The following ZBTB20 variants were observed in gnomAD, a reference collection of about 807,000 sequenced individuals.
ZBTB20 encodes the protein zinc finger and BTB domain containing 20, also known as zinc finger and BTB domain-containing protein 20.
ZBTB20 carries 9 observed loss-of-function variants against 56.9 expected under a neutral mutation model. The ratio of observed to expected loss-of-function variants is 0.16; its 90% CI spans 0.10 to 0.28. The LOEUF is 0.28. Ranked by LOEUF, ZBTB20 falls within the 10% of genes least tolerant of loss-of-function variation. The probability of loss-of-function intolerance (pLI) is 1.00; values close to 1 mark genes in which losing one functional copy is unlikely to be tolerated. For synonymous variants in ZBTB20, 417 were observed against 420.7 expected (o/e 0.99, Z 0.11); for missense variants, 655 against 1,003.0 (o/e 0.65, Z 4.69).
At chr3:114,434,558 T>TTTGTGTGTGTGTGTGTG (rs2090374381) in intron 7 of ZBTB20, among the ~76,000 whole-genome samples, 3 of 146,050 alleles carry the variant, frequency 2.1e-5, no homozygotes, top group South Asian at 2.2e-4. Flanking sequence ...GTGTGTGTGT[T>TTTGTGTGTGTGTGTGTG]TGTGTGTGTG....
Position 114,798,053 on chromosome 3 carries a change from T to C in ZBTB20, c.-343+3048A>G, listed in dbSNP as rs187623702. 5.6e-3 allele frequency among the ~76,000 whole-genome samples: 850 copies of C among 152,044 alleles called. 10 individuals carry two copies. The highest frequency in any genetic ancestry group is 0.03 in the South Asian group (147 of 4,824). On this transcript the variant is annotated intron_variant, in intron 5 of 11. Coordinates refer to ENST00000675478, the MANE Select transcript of ZBTB20 (RefSeq NM_001348800.3). ...ATATTAAAGCTTATTTCTTTTTTTTTCTGACTCTGGAAAACTTTTCTCTGA... is the reference window on the plus strand; with the variant it reads ...ATATTAAAGCTTATTTCTTTTTTTTCCTGACTCTGGAAAACTTTTCTCTGA...
chr3:114,665,525 C>CA (rs1435828173), intron 6 of ZBTB20, among the ~76,000 whole-genome samples: 1 of 151,842 alleles, frequency 6.6e-6, no homozygotes, highest in East Asian at 1.9e-4. Context: ...CTCTTTCAGG[C>CA]AAAAAGGCCT....
Position 114,612,797 on chromosome 3 carries a change from G to A in ZBTB20, c.-295+80731C>T, listed in dbSNP as rs147247823. The stretch of plus-strand genomic sequence containing the variant: ...GTATAAGATCTCTGATATTCATCAA[G>A]CAGCTAAGATAAGAAGCATAATGAA... On this transcript the variant is annotated intron_variant, in intron 6 of 11. Transcript: ENST00000675478. Among the ~76,000 whole-genome samples the A allele has an allele frequency of 3.2e-3, 484 of 152,156 alleles. 2 individuals carry two copies. The highest frequency in any genetic ancestry group is 0.017 in the Middle Eastern group (5 of 294).
Position 114,578,683 on chromosome 3 carries a change from C to T in ZBTB20, c.-294-78292G>A, listed in dbSNP as rs559393877. Among the ~76,000 whole-genome samples the T allele has an allele frequency of 5.3e-5, 8 of 151,628 alleles. No homozygotes were observed. In the East Asian group the frequency reaches 1.4e-3, roughly 26 times the overall value. ...AATTGAGTAATGTCTTTAAAATACTCAACAAAAAATACCCAGATAAATTGC... is the reference window on the plus strand; with the variant it reads ...AATTGAGTAATGTCTTTAAAATACTTAACAAAAAATACCCAGATAAATTGC... On this transcript the variant is annotated intron_variant, in intron 6 of 11. Coordinates refer to ENST00000675478, the MANE Select transcript of ZBTB20 (RefSeq NM_001348800.3).
intron 5 of ZBTB20, among the ~76,000 whole-genome samples, chr3:114,733,225 G>T (rs2065886128): frequency 6.6e-6 from 1 of 152,100 alleles, no homozygotes; most frequent in African/African-American, 2.4e-5. Context: ...TACTATATTT[G>T]CTCTCATTTC....
chr3:114,535,868 A>G (rs980008402), intron 6 of ZBTB20, among the ~76,000 whole-genome samples: 1 of 152,262 alleles, frequency 6.6e-6, no homozygotes, highest in African/African-American at 2.4e-5. Flanking sequence ...AATCCATTAT[A>G]TAAGCAGTTT....
At chr3:114,577,779 G>C (rs1177079308) in intron 6 of ZBTB20, among the ~76,000 whole-genome samples, 1 of 152,148 alleles carries the variant, frequency 6.6e-6, no homozygotes, top group African/African-American at 2.4e-5. Flanking sequence ...TAAAGATACA[G>C]CATTATGATA....
chr3:114,385,738 A>G (rs772696438), intron 8 of ZBTB20, among the ~76,000 whole-genome samples: 3 of 152,118 alleles, frequency 2.0e-5, no homozygotes, highest in African/African-American at 2.4e-5. Flanking sequence ...ATGGTGGTGC[A>G]TGCCTGTAGT....
chr3:114,912,755 T>C (rs968253029), intron 3 of ZBTB20, among the ~76,000 whole-genome samples: 3 of 151,950 alleles, frequency 2.0e-5, no homozygotes, highest in African/African-American at 7.2e-5. Context: ...CCCCGGCTCC[T>C]ACTCCCCAGT....
chr3:114,984,087 C>T (rs1228586979), intron 2 of ZBTB20, among the ~76,000 whole-genome samples: 2 of 151,890 alleles, frequency 1.3e-5, no homozygotes, highest in African/African-American at 4.8e-5. Context: ...TTAATTTGAA[C>T]ATGTCATCCT....
intron 2 of ZBTB20, among the ~76,000 whole-genome samples, chr3:114,989,315 C>T (rs1339784199): frequency 6.6e-6 from 1 of 152,188 alleles, no homozygotes; most frequent in Non-Finnish European, 1.5e-5. Context: ...CAGCTTTCTA[C>T]AGATGGCTAG....
chr3:115,015,739 T>A (rs2079925363), intron 2 of ZBTB20, among the ~76,000 whole-genome samples: 1 of 151,954 alleles, frequency 6.6e-6, no homozygotes, highest in Non-Finnish European at 1.5e-5. Flanking sequence ...TTTGGGTTGA[T>A]TCCATGTCTC....
intron 2 of ZBTB20, among the ~76,000 whole-genome samples, chr3:115,024,486 C>T (rs1273838835): frequency 6.6e-6 from 1 of 151,054 alleles, no homozygotes; most frequent in African/African-American, 2.4e-5. Context: ...TTTTATCCTC[C>T]TCATTAAAAC....
intron 6 of ZBTB20, among the ~76,000 whole-genome samples, chr3:114,657,893 C>T (rs1278904085): frequency 1.3e-5 from 2 of 152,020 alleles, no homozygotes; most frequent in Non-Finnish European, 2.9e-5. Context: ...TGTCCTGAAA[C>T]AGTACAAGTT....
intron 1 of ZBTB20, among the ~76,000 whole-genome samples, chr3:115,147,014 G>A (rs1462766919): frequency 2.0e-5 from 3 of 149,096 alleles, no homozygotes; most frequent in Admixed American, 6.7e-5. Flanking sequence ...GGGGCGGGGC[G>A]CGGGGGCGCG....
chr3:115,130,134 G>C (rs575938803), intron 1 of ZBTB20, among the ~76,000 whole-genome samples: 1 of 152,104 alleles, frequency 6.6e-6, no homozygotes, highest in Non-Finnish European at 1.5e-5. Context: ...CTATTTTAAA[G>C]ATAAAGATCC....
intron 7 of ZBTB20, among the ~76,000 whole-genome samples, chr3:114,412,540 A>T (rs2108775314): frequency 6.6e-6 from 1 of 152,222 alleles, no homozygotes; most frequent in South Asian, 2.1e-4. Context: ...TTCATAGACT[A>T]ACTCCACAGT....
intron 6 of ZBTB20, among the ~76,000 whole-genome samples, chr3:114,540,509 C>T (rs951540316): frequency 1.3e-5 from 2 of 152,102 alleles, no homozygotes; most frequent in Admixed American, 1.3e-4. Flanking sequence ...ACCAAACAGA[C>T]TGGCACTTGT....
At chr3:114,813,154 C>G (rs991507401) in intron 4 of ZBTB20, among the ~76,000 whole-genome samples, 31 of 152,354 alleles carry the variant, frequency 2.0e-4, no homozygotes, top group East Asian at 7.7e-4. Context: ...AGTGGGAGCC[C>G]AGGCAGAGGA....
Sources: gnomAD v4.1 joint callset for allele counts (sites outside exome capture counted in the v4.1 genomes callset) on GRCh38, gnomAD v4.1.1 for gene constraint, MANE v1.5 for transcripts, NCBI Gene and HGNC (gene_info 2026-07-23, HGNC 2026-07-21) for gene names.